The following AFDN variants were observed in gnomAD, a reference collection of about 807,000 sequenced individuals.
AFDN encodes afadin.
In AFDN, 68 loss-of-function variants were observed where a neutral mutation model predicts 216.6. The observed-to-expected ratio is 0.31, with a 90% CI of 0.26 to 0.38. The LOEUF is 0.38. Among genes scored for constraint, AFDN ranks in the 10% least tolerant of loss-of-function variants. The pLI is 1.00. For missense variants in AFDN, 2,136 were observed against 2,342.0 expected, an observed-to-expected ratio of 0.91 and a Z score of 1.82; for synonymous variants, 868 against 853.7, an observed-to-expected ratio of 1.02 and a Z score of -0.29.
chr6:167,933,258 G>A (rs1037957860), intron 23 of AFDN, among the ~76,000 whole-genome samples: 1 of 152,150 alleles, frequency 6.6e-6, no homozygotes, highest in Non-Finnish European at 1.5e-5. Context: ...AATGCCTTAA[G>A]TATGTTCAAG....
Position 167,961,965 on chromosome 6 carries a change from C to G in AFDN, c.4834-468C>G, listed in dbSNP as rs143277468. Among the ~76,000 whole-genome samples, 75 of 152,260 alleles carry G rather than the reference C, an allele frequency of 4.9e-4. 1 individual carries two copies. The East Asian group carries it at 0.014, about 27-fold the overall frequency. ...AGTCACATATGCTGCTTCTGTCCCACCTATGCAGAGGCGAGTGGGGGCCTC... is the reference window on the plus strand; with the variant it reads ...AGTCACATATGCTGCTTCTGTCCCAGCTATGCAGAGGCGAGTGGGGGCCTC... On this transcript the variant is annotated intron_variant, in intron 30 of 33. Transcript: ENST00000683244.
chr6:167,857,542 G>A (rs1425091981), intron 1 of AFDN, among the ~76,000 whole-genome samples: 1 of 151,970 alleles, frequency 6.6e-6, no homozygotes, highest in Non-Finnish European at 1.5e-5. Context: ...TTTTCAGGGG[G>A]TTCTTAAGTT....
Position 167,929,022 on chromosome 6 carries a change from G to T in AFDN, c.3099+3931G>T, listed in dbSNP as rs559427769. 2.0e-5 allele frequency among the ~76,000 whole-genome samples: 3 copies of T among 152,268 alleles called. No individual in the cohort carries two copies. The East Asian group carries it at 5.8e-4, about 29-fold the overall frequency. ...AGGTATCAGTGTAGTACAATTACTG[G>T]CTTCCGTGAGTCTAATGTGATTTAG... On this transcript the variant is annotated intron_variant, in intron 23 of 33. Coordinates refer to ENST00000683244, the MANE Select transcript of AFDN (RefSeq NM_001386888.1).
chr6:167,833,467 C>G (rs531418892), intron 1 of AFDN, among the ~76,000 whole-genome samples: 99 of 152,290 alleles, frequency 6.5e-4, no homozygotes, highest in Non-Finnish European at 1.2e-3. Flanking sequence ...AGTTCTCTTG[C>G]TTGAGTTCAT....
At chr6:167,918,649 T>C in intron 20 of AFDN, 86 bp from the exon 21 acceptor site, 1 of 1,190,168 alleles carries the variant, frequency 8.4e-7, no homozygotes, top group South Asian at 1.3e-5. Context: ...TGTGCTGCAG[T>C]GAGCAGACAG....
At position 167,969,950 on chromosome 6, in the gene AFDN, A is replaced by G. The variant is rs1361290662; in HGVS notation, c.*15A>G. The stretch of plus-strand genomic sequence containing the variant: ...ACACAAAGTGAAAGAAAATGAGGAG[A>G]ACACTTTGTATTTACCCCAAAATCT... On this transcript the variant is annotated 3_prime_UTR_variant, in exon 34 of 34. Transcript: ENST00000683244. The G allele has an allele frequency of 6.3e-7, 1 of 1,596,034 alleles. No individual in the cohort carries two copies. The highest frequency in any genetic ancestry group is 8.5e-7 in the Non-Finnish European group (1 of 1,174,186).
At position 167,970,175 on chromosome 6, in the gene AFDN, C is replaced by T. The variant is rs1797928670; in HGVS notation, c.*240C>T. ...TCTAGTTTCTTAATTATCTAACTCA[C>T]ACGAGGGTAAGTTTTTTGTTGGTTT... On this transcript the variant is annotated 3_prime_UTR_variant, in exon 34 of 34. Transcript: ENST00000683244. 2 of 429,900 alleles carry T rather than the reference C, an allele frequency of 4.7e-6. No homozygotes were observed. The highest frequency in any genetic ancestry group is 8.1e-6 in the Non-Finnish European group (2 of 247,374). The allele number at this position is 429,900 out of a possible 1,614,324, so 26.6% of individuals were successfully genotyped here. A position where few individuals can be genotyped will look rare whatever the true frequency, so the allele number is the denominator to read the frequency against.
chr6:167,847,064 A>G (rs1427966445), intron 1 of AFDN, among the ~76,000 whole-genome samples: 1 of 152,156 alleles, frequency 6.6e-6, no homozygotes, highest in East Asian at 1.9e-4. Context: ...TTTTTACCGT[A>G]AGTGGGAGCA....
intron 31 of AFDN, chr6:167,964,218 C>T: frequency 9.4e-7 from 1 of 1,064,016 alleles, no homozygotes; most frequent in Non-Finnish European, 1.1e-6. Flanking sequence ...ATCAGAATGT[C>T]CAAAACTCAT....
At chr6:167,947,462 A>G (rs1795449644) in intron 27 of AFDN, among the ~76,000 whole-genome samples, 1 of 152,176 alleles carries the variant, frequency 6.6e-6, no homozygotes, top group Non-Finnish European at 1.5e-5. Context: ...TACAGGCTTG[A>G]GCCACCATGC....
chr6:167,854,059 G>A (rs1782614017), intron 1 of AFDN, among the ~76,000 whole-genome samples: 1 of 151,886 alleles, frequency 6.6e-6, no homozygotes, highest in Non-Finnish European at 1.5e-5. Context: ...TCTGCACCTT[G>A]GGTATATACT....
intron 12 of AFDN, among the ~76,000 whole-genome samples, 168 bp downstream of exon 12, chr6:167,902,554 GT>G (rs1789123992): frequency 6.6e-6 from 1 of 152,164 alleles, no homozygotes; most frequent in Admixed American, 6.5e-5. Flanking sequence ...ATACTATGTT[GT>G]TTTCCTGTAT....
At chr6:167,861,096 C>A (rs1783514925) in intron 1 of AFDN, among the ~76,000 whole-genome samples, 1 of 152,006 alleles carries the variant, frequency 6.6e-6, no homozygotes, top group South Asian at 2.1e-4. Context: ...CAACCCTCTG[C>A]ACCCCTCCTC....
chr6:167,961,146 G>A (rs1351166196), intron 30 of AFDN, among the ~76,000 whole-genome samples: 1 of 151,944 alleles, frequency 6.6e-6, no homozygotes, highest in Non-Finnish European at 1.5e-5. Context: ...ACAATTTATA[G>A]ACAAACTGGT....
At position 167,962,434 on chromosome 6, in the gene AFDN, T is replaced by TGCA. The variant is rs755922309; in HGVS notation, c.4837_4839dup (p.Gln1613dup). 2 of 1,613,548 alleles carry TGCA rather than the reference T, an allele frequency of 1.2e-6. No homozygotes were observed. Among genetic ancestry groups the TGCA allele is most frequent in the Non-Finnish European group, 1.7e-6 (2 of 1,179,796 alleles). On this transcript the variant is annotated inframe_insertion and splice_region_variant, in exon 31 of 34. Transcript: ENST00000683244. This position sits in a 1 kb window ranked among gnomAD's most constrained non-coding sequence, Gnocchi z 5.2. ...AGATTAATGTCAGCCTGTTGTTAGT[T>TGCA]GCAGGACGAGGAGCGGAGGCGGCAG... is the stretch of plus-strand genomic sequence containing the variant.
At chr6:167,891,408 G>GGTGTGTGTGTGTGT (rs71004178) in intron 8 of AFDN, among the ~76,000 whole-genome samples, 4 of 72,028 alleles carry the variant, frequency 5.6e-5, no homozygotes, top group Admixed American at 1.3e-4. Context: ...TAAAGGGGTG[G>GGTGTGTGTGTGTGT]GTGTGTGTGT....
intron 23 of AFDN, among the ~76,000 whole-genome samples, chr6:167,930,413 A>G (rs1048948266): frequency 2.6e-5 from 4 of 152,280 alleles, no homozygotes; most frequent in Admixed American, 1.3e-4. Context: ...GATGAATTAT[A>G]TGGTTGATGG....
chr6:167,969,831 T>G lies in AFDN; in HGVS notation c.5392T>G (p.Phe1798Val), dbSNP rs750105628. Residue 1798 changes from phenylalanine to valine, a missense_variant, in exon 34 of 34, where the codon TTC becomes GTC. Transcript: ENST00000683244. ...GSSGAPENLT[F>V]KERQRLFSQG... is the part of the protein sequence containing the mutation. ...TTCTGGGGCCCCTGAAAACTTGACA[T>G]TCAAGGAACGCCAGCGTCTTTTTTC... 1.9e-6 allele frequency: 3 copies of G among 1,612,966 alleles called. No homozygotes were observed. The highest frequency in any genetic ancestry group is 2.5e-6 in the Non-Finnish European group (3 of 1,179,704).
chr6:167,969,584 T>C (rs1469182781), intron 33 of AFDN, among the ~76,000 whole-genome samples, 198 bp from the exon 34 acceptor site: 1 of 152,216 alleles, frequency 6.6e-6, no homozygotes, highest in Non-Finnish European at 1.5e-5. Flanking sequence ...GTTAATGTTG[T>C]AGCCAAGAGA....
Sources: allele counts gnomAD v4.1 joint callset (sites outside exome capture counted in the v4.1 genomes callset), GRCh38; gene constraint gnomAD v4.1.1; non-coding constraint Gnocchi (gnomAD v3.1); transcripts MANE v1.5; gene names NCBI Gene and HGNC (gene_info 2026-07-23, HGNC 2026-07-21).